JARID2: variants seen among roughly 807,000 people sequenced by gnomAD.
The protein encoded by JARID2 is jumonji and AT-rich interaction domain containing 2, also known as protein Jumonji.
A neutral mutation model predicts 125.6 loss-of-function variants in JARID2; 21 were observed. The observed-to-expected ratio is 0.17, with a 90% CI of 0.12 to 0.24. JARID2 has a LOEUF of 0.24. JARID2 is among the 10% of genes least tolerant of loss of function. JARID2 has a pLI of 1.00. For missense variants in JARID2, 1,303 were observed against 1,639.6 expected, an observed-to-expected ratio of 0.79 and a Z score of 3.55; for synonymous variants, 736 against 661.6, an observed-to-expected ratio of 1.11 and a Z score of -1.73.
At chr6:15,427,370 G>A (rs977887285) in intron 3 of JARID2, among the ~76,000 whole-genome samples, 3 of 152,008 alleles carry the variant, frequency 2.0e-5, no homozygotes, top group Non-Finnish European at 4.4e-5. Flanking sequence ...AGCTTCTTCC[G>A]CATTTGTTTA....
At chr6:15,355,436 A>G (rs1039758594) in intron 1 of JARID2, among the ~76,000 whole-genome samples, 11 of 152,222 alleles carry the variant, frequency 7.2e-5, no homozygotes, top group African/African-American at 1.9e-4. Flanking sequence ...AATACTAATA[A>G]TACTAATAAT....
intron 5 of JARID2, among the ~76,000 whole-genome samples, chr6:15,473,977 C>CCT (rs1769219631): frequency 1.3e-5 from 2 of 152,340 alleles, no homozygotes; most frequent in South Asian, 4.1e-4. Context: ...CTAATGTCAG[C>CCT]CTCAGGTTCA....
chr6:15,318,798 G>GT (rs1195713708), intron 1 of JARID2, among the ~76,000 whole-genome samples: 1 of 152,218 alleles, frequency 6.6e-6, no homozygotes, highest in Non-Finnish European at 1.5e-5. Context: ...GTTATAAACA[G>GT]TAAGTGCTGC....
intron 1 of JARID2, among the ~76,000 whole-genome samples, chr6:15,268,040 A>C (rs1226469197): frequency 2.6e-5 from 4 of 152,202 alleles, no homozygotes; most frequent in African/African-American, 9.7e-5. Context: ...ACAGTGGGAC[A>C]CCATACCTAA....
intron 1 of JARID2, among the ~76,000 whole-genome samples, chr6:15,306,831 T>A (rs1388425634): frequency 6.6e-6 from 1 of 150,630 alleles, no homozygotes; most frequent in Non-Finnish European, 1.5e-5. Context: ...ATAGGCAGCT[T>A]ATTTTTTTTC....
chr6:15,464,529 A>C (rs1457254987), intron 4 of JARID2, among the ~76,000 whole-genome samples: 1 of 152,208 alleles, frequency 6.6e-6, no homozygotes, highest in Non-Finnish European at 1.5e-5. Context: ...CAAGGAGGAC[A>C]GTCAGGCCAT....
intron 1 of JARID2, among the ~76,000 whole-genome samples, chr6:15,268,880 T>C (rs1214196209): frequency 6.6e-6 from 1 of 152,194 alleles, no homozygotes; most frequent in Non-Finnish European, 1.5e-5. Context: ...TTTTCAGAAG[T>C]GGAAGCCAAG....
intron 1 of JARID2, among the ~76,000 whole-genome samples, chr6:15,316,260 C>G (rs1392460431): frequency 1.3e-5 from 2 of 152,012 alleles, no homozygotes; most frequent in Non-Finnish European, 2.9e-5. Context: ...GCTGGGACTA[C>G]AGGCACACGT....
Position 15,451,711 on chromosome 6 carries a change from T to C in JARID2, c.324-295T>C, listed in dbSNP as rs559524179. On this transcript the variant is annotated intron_variant, in intron 3 of 17. Transcript: ENST00000341776. ...TCAGATACCGTGTGTAGTTTTTAAA[T>C]ACTCAGGCAAACATAGTGTGTACAT... Among the ~76,000 whole-genome samples the C allele has an allele frequency of 2.6e-5, 4 of 152,338 alleles. No homozygotes were observed. In the East Asian group the frequency reaches 7.7e-4, roughly 29 times the overall value.
At chr6:15,329,324 G>A (rs920546921) in intron 1 of JARID2, among the ~76,000 whole-genome samples, 1 of 152,086 alleles carries the variant, frequency 6.6e-6, no homozygotes, top group Non-Finnish European at 1.5e-5. Flanking sequence ...GAGTTGGGGA[G>A]GGATGGGCCT....
At position 15,496,960 on chromosome 6, in the gene JARID2, G is replaced by T. The variant is rs752536884; in HGVS notation, c.1735G>T (p.Ala579Ser). 1.4e-5 allele frequency: 23 copies of T among 1,612,352 alleles called. No homozygotes were observed. The African/African-American group carries it at 1.7e-4, about 12-fold the overall frequency. ...GCTCATCTACATCGAGTCGGTCCGCGCTCAGGTGGAGAAGTTCGGGATGTG... is the reference window on the plus strand; with the variant it reads ...GCTCATCTACATCGAGTCGGTCCGCTCTCAGGTGGAGAAGTTCGGGATGTG... ...DPLIYIESVR[A>S]QVEKFGMCRV... Residue 579 changes from alanine to serine, a missense_variant, in exon 7 of 18, where the codon GCT (alanine) becomes TCT (serine). This residue lies in a region of JARID2 where 651 missense variants were observed against 581.6 expected (regional missense o/e 1.12). Transcript: ENST00000341776.
rs537448918 is a variant in JARID2 at position 15,337,373 on chromosome 6, G to A, written c.46-36744G>A. On this transcript the variant is annotated intron_variant, in intron 1 of 17. Coordinates refer to ENST00000341776, the MANE Select transcript of JARID2 (RefSeq NM_004973.4). The stretch of plus-strand genomic sequence containing the variant: ...TGCCATGTATGTGTCTCTAAAGCTC[G>A]ACAGACACAGGCACTCATGGCTCAG... Among the ~76,000 whole-genome samples, 222 of 152,322 alleles carry A rather than the reference G, an allele frequency of 1.5e-3. 1 individual carries two copies. Among genetic ancestry groups the A allele is most frequent in the African/African-American group, 5.0e-3 (209 of 41,572 alleles).
At chr6:15,359,011 C>G (rs1268425502) in intron 1 of JARID2, among the ~76,000 whole-genome samples, 1 of 152,144 alleles carries the variant, frequency 6.6e-6, no homozygotes, top group East Asian at 1.9e-4. Flanking sequence ...GAGAGTGCTC[C>G]CAGTGAGTGC....
Position 15,496,674 on chromosome 6 carries a change from A to G in JARID2, c.1449A>G (p.Gly483=). 6.2e-7 allele frequency: 1 copy of G among 1,612,938 alleles called. No individual in the cohort carries two copies. Among genetic ancestry groups the G allele is most frequent in the Non-Finnish European group, 8.5e-7 (1 of 1,179,860 alleles). The part of the protein sequence containing the change: ...KAPAERGLLN[G]HVKKEVPERS... The stretch of plus-strand genomic sequence containing the variant: ...CGGCCGAGAGAGGTCTGCTGAACGG[A>G]CACGTGAAGAAGGAAGTGCCGGAGC... Residue 483 remains glycine (G), a synonymous_variant, in exon 7 of 18, where the codon GGA becomes GGG. Coordinates refer to ENST00000341776, the MANE Select transcript of JARID2 (RefSeq NM_004973.4).
rs112303618 is a variant in JARID2 at position 15,520,689 on chromosome 6, G to GCACA, written c.*452_*455dup. On this transcript the variant is annotated 3_prime_UTR_variant, in exon 18 of 18. Coordinates refer to ENST00000341776, the MANE Select transcript of JARID2 (RefSeq NM_004973.4). ...TTTAGAAGGGATAGGAGACACACGCGCACACACACACACACACGAAACTTG... is the reference window on the plus strand; with the variant it reads ...TTTAGAAGGGATAGGAGACACACGCGCACACACACACACACACACACGAAACTTG... 4.9e-3 allele frequency: 1,929 copies of GCACA among 391,668 alleles called. 4 individuals are homozygous for GCACA. Among genetic ancestry groups the GCACA allele is most frequent in the Non-Finnish European group, 5.9e-3 (1,135 of 193,070 alleles). The allele number at this position is 391,668 out of a possible 1,614,324, so 24.3% of individuals were successfully genotyped here. A position where few individuals can be genotyped will look rare whatever the true frequency, so the allele number is the denominator to read the frequency against.
chr6:15,351,043 A>G (rs1763412275), intron 1 of JARID2, among the ~76,000 whole-genome samples: 1 of 152,186 alleles, frequency 6.6e-6, no homozygotes, highest in South Asian at 2.1e-4. Context: ...GTTACTAAAT[A>G]GCAGTCATGT....
chr6:15,395,178 T>G (rs1336578241), intron 2 of JARID2, among the ~76,000 whole-genome samples: 1 of 152,188 alleles, frequency 6.6e-6, no homozygotes, highest in African/African-American at 2.4e-5. Flanking sequence ...TTGAAAGATT[T>G]TATCAGTTAA....
At chr6:15,502,114 C>G (rs1320148270) in intron 8 of JARID2, among the ~76,000 whole-genome samples, 1 of 152,250 alleles carries the variant, frequency 6.6e-6, no homozygotes, top group African/African-American at 2.4e-5. Context: ...GAGAAACCAG[C>G]AAACTGAAAC....
At chr6:15,366,518 C>CGGGGGGGGGGGGGGGGGG (rs1367437795) in intron 1 of JARID2, among the ~76,000 whole-genome samples, 1 of 14,408 alleles carries the variant, frequency 6.9e-5, no homozygotes, top group Admixed American at 8.3e-4. Context: ...GCGGGGGGGG[C>CGGGGGGGGGGGGGGGGGG]GGGGGGGGTG....
Sources: allele counts gnomAD v4.1 joint callset (sites outside exome capture counted in the v4.1 genomes callset), GRCh38; gene constraint gnomAD v4.1.1; regional missense constraint gnomAD v4.1.1; transcripts MANE v1.5; gene names NCBI Gene and HGNC (gene_info 2026-07-23, HGNC 2026-07-21).